The following KIF21A variants were observed in gnomAD, a reference collection of about 807,000 sequenced individuals.
KIF21A encodes the protein kinesin family member 21A.
A neutral mutation model predicts 202.9 loss-of-function variants in KIF21A; 114 were observed. The ratio of observed to expected loss-of-function variants is 0.56; its 90% CI spans 0.48 to 0.66. The LOEUF is 0.66. KIF21A is among the 30% of genes least tolerant of loss of function. The pLI is 0.00. For synonymous variants in KIF21A, 667 were observed against 670.8 expected, an observed-to-expected ratio of 0.99 and a Z score of 0.09; for missense variants, 1,677 against 1,994.9, an observed-to-expected ratio of 0.84 and a Z score of 3.04.
In KIF21A at chr12:39,309,749, A is replaced by T. The variant is rs762262699; in HGVS notation, c.4114T>A (p.Trp1372Arg). ...ATTTCCTGCCCAGTCACCAGATTCC[A>T]TACTTTACAAGTACGATCTAAAACA... ...TGSKDRTCKVWNLVTGQEIMS... is the reference protein window; with the variant it reads ...TGSKDRTCKVRNLVTGQEIMS... The change falls in exon 33 of 38, where the codon TGG becomes AGG. Residue 1372 changes from tryptophan (W) to arginine (R), a missense_variant. Coordinates refer to ENST00000361418, the MANE Select transcript of KIF21A (RefSeq NM_001173464.2). 6.2e-7 allele frequency: 1 copy of T among 1,613,114 alleles called. No homozygotes were observed. Among genetic ancestry groups the T allele is most frequent in the African/African-American group, 1.3e-5 (1 of 74,910 alleles).
Position 39,351,874 on chromosome 12 carries a change from T to C in KIF21A, c.1576A>G (p.Thr526Ala). ...YFSGSSTFSP[T>A]ILSSDKETIE... ...GTTTCTTTGTCTGAGGATAGTATGG[T>C]AGGAGAAAAAGTTGATGATCCGCTG... is the stretch of plus-strand genomic sequence containing the variant. Residue 526 changes from threonine (T) to alanine (A), a missense_variant, in exon 11 of 38, where the codon ACC becomes GCC. Around this residue, in one of 3 missense-constraint regions of KIF21A, gnomAD observed 966 missense variants for 1,180.9 expected, o/e 0.82. Transcript: ENST00000361418. The C allele has an allele frequency of 6.2e-7, 1 of 1,612,150 alleles. No homozygotes were observed. Among genetic ancestry groups the C allele is most frequent in the Non-Finnish European group, 8.5e-7 (1 of 1,178,366 alleles).
intron 36 of KIF21A, among the ~76,000 whole-genome samples, chr12:39,301,953 G>A (rs939545641): frequency 9.9e-5 from 15 of 152,068 alleles, no homozygotes; most frequent in African/African-American, 3.6e-4. Flanking sequence ...TAGAACTTTC[G>A]AGCATCACAT....
At chr12:39,361,094 A>G (rs1949171153) in intron 7 of KIF21A, among the ~76,000 whole-genome samples, 1 of 152,256 alleles carries the variant, frequency 6.6e-6, no homozygotes. Context: ...ATTTAGCTGT[A>G]GCCTAAAACT....
intron 12 of KIF21A, among the ~76,000 whole-genome samples, chr12:39,344,104 A>G (rs1002799639): frequency 6.6e-6 from 1 of 152,168 alleles, no homozygotes; most frequent in African/African-American, 2.4e-5. Context: ...TTGGATGGAG[A>G]AAAATGTGCT....
At position 39,358,286 on chromosome 12, in the gene KIF21A, T is replaced by C; in HGVS notation, c.1107A>G (p.Arg369=). ...TGACCATCACCTTATTCTTGATATTTCTAGCTCGATTGGCGTATTTCAGGG... is the reference window on the plus strand; with the variant it reads ...TGACCATCACCTTATTCTTGATATTCCTAGCTCGATTGGCGTATTTCAGGG... ...LNTLKYANRA[R]NIKNKVMVNQ... The change falls in exon 8 of 38, where the codon AGA becomes AGG. Residue 369 remains arginine (R), a synonymous_variant. Coordinates refer to ENST00000361418, the MANE Select transcript of KIF21A (RefSeq NM_001173464.2). 6.2e-7 allele frequency: 1 copy of C among 1,614,132 alleles called. No individual in the cohort carries two copies. Among genetic ancestry groups the C allele is most frequent in the Non-Finnish European group, 8.5e-7 (1 of 1,179,988 alleles).
chr12:39,389,179 T>TACACAC (rs10632410), intron 1 of KIF21A, among the ~76,000 whole-genome samples: 4,084 of 142,106 alleles, frequency 0.029, 119 homozygotes, highest in African/African-American at 0.07. Flanking sequence ...TAAATACACA[T>TACACAC]ACACACACAC....
At chr12:39,294,544 T>C in intron 37 of KIF21A, 27 bp from the exon 38 acceptor site, 1 of 1,525,488 alleles carries the variant, frequency 6.6e-7, no homozygotes, top group South Asian at 1.1e-5. Context: ...AAAACATGGA[T>C]ATATGAACAA....
Position 39,320,019 on chromosome 12 carries a change from GTAAA to G in KIF21A, c.3672-10_3672-7del, listed in dbSNP as rs1565737866. On this transcript the variant is annotated splice_region_variant and splice_polypyrimidine_tract_variant and intron_variant, in intron 27 of 37. Coordinates refer to ENST00000361418, the MANE Select transcript of KIF21A (RefSeq NM_001173464.2). ...ATAGAGATGACTGCCTGGAACTAAA[GTAAA>G]AGAAGATTCTTTAATTACCTAATTC... 1 of 1,520,806 alleles carries G rather than the reference GTAAA, an allele frequency of 6.6e-7. No individual in the cohort carries two copies. Among genetic ancestry groups the G allele is most frequent in the Non-Finnish European group, 9.1e-7 (1 of 1,099,110 alleles). The allele number at this position is 1,520,806 out of a possible 1,614,324, so 94.2% of individuals were successfully genotyped here. A position where few individuals can be genotyped will look rare whatever the true frequency, so the allele number is the denominator to read the frequency against.
chr12:39,315,708 T>C, intron 30 of KIF21A: 1 of 597,194 alleles, frequency 1.7e-6, no homozygotes, highest in African/African-American at 1.9e-5. Context: ...AGAAAACAGG[T>C]ATCACAATTT....
intron 1 of KIF21A, among the ~76,000 whole-genome samples, chr12:39,401,093 T>C (rs529875391): frequency 6.6e-6 from 1 of 152,310 alleles, no homozygotes; most frequent in African/African-American, 2.4e-5. Context: ...GCTAAGAGTT[T>C]ACCCTCACAG....
At position 39,349,473 on chromosome 12, in the gene KIF21A, G is replaced by A. The variant is rs763126894; in HGVS notation, c.1673+2304C>T. Among the ~76,000 whole-genome samples, 18 of 152,114 alleles carry A rather than the reference G, an allele frequency of 1.2e-4. No homozygotes were observed. The Middle Eastern group carries it at 0.01, about 86-fold the overall frequency. ...GGAATGTAACTCAACCAGAATCAAT[G>A]CATCCAAACAGGAGCTATCACTTCC... On this transcript the variant is annotated intron_variant, in intron 11 of 37. Coordinates refer to ENST00000361418, the MANE Select transcript of KIF21A (RefSeq NM_001173464.2).
chr12:39,361,162 AC>A (rs1163879856), intron 7 of KIF21A, among the ~76,000 whole-genome samples: 2 of 152,254 alleles, frequency 1.3e-5, no homozygotes, highest in Non-Finnish European at 2.9e-5. Flanking sequence ...AGGTAAGCAA[AC>A]TTTCAAAAGT....
rs1938552155 is a variant in KIF21A at position 39,435,445 on chromosome 12, G to C, written c.44+7482C>G. ...GCAGAAATTTTTCTGCATGACATCA[G>C]TCTAGAAAAGCTTTGTGTAGATGTG... On this transcript the variant is annotated intron_variant, in intron 1 of 37. Transcript: ENST00000361418. Among the ~76,000 whole-genome samples, 3 of 152,172 alleles carry C rather than the reference G, an allele frequency of 2.0e-5. No individual in the cohort carries two copies. The South Asian group carries it at 6.2e-4, about 32-fold the overall frequency.
intron 1 of KIF21A, among the ~76,000 whole-genome samples, chr12:39,434,636 T>C (rs961625313): frequency 1.3e-5 from 2 of 152,184 alleles, no homozygotes; most frequent in Non-Finnish European, 2.9e-5. Flanking sequence ...TTATAGCACA[T>C]TGCCTTCAAT....
rs79496803 is a variant in KIF21A, at chr12:39,407,784, A to G, written c.44+35143T>C. Among the ~76,000 whole-genome samples, 1,188 of 152,132 alleles carry G rather than the reference A, an allele frequency of 7.8e-3. 19 individuals carry two copies. The highest frequency in any genetic ancestry group is 0.026 in the African/African-American group (1,095 of 41,502). On this transcript the variant is annotated intron_variant, in intron 1 of 37. Transcript: ENST00000361418. ...TGCTATCCTCATGTTCCTATTCACAATGACTCTCAATCTCTCTTAACCCAT... is the reference window on the plus strand; with the variant it reads ...TGCTATCCTCATGTTCCTATTCACAGTGACTCTCAATCTCTCTTAACCCAT...
chr12:39,406,710 T>C (rs549545688), intron 1 of KIF21A, among the ~76,000 whole-genome samples: 5 of 152,224 alleles, frequency 3.3e-5, no homozygotes, highest in Non-Finnish European at 7.3e-5. Context: ...TCTTTTGTTC[T>C]TTCTCAAAGA....
chr12:39,346,414 C>T, intron 12 of KIF21A, 52 bp downstream of exon 12: 1 of 1,310,722 alleles, frequency 7.6e-7, no homozygotes, highest in Non-Finnish European at 1.0e-6. Flanking sequence ...TTGTGAATGG[C>T]AACTAAGTAT....
intron 31 of KIF21A, among the ~76,000 whole-genome samples, chr12:39,313,336 T>G (rs1449478538): frequency 6.6e-6 from 1 of 151,866 alleles, no homozygotes; most frequent in Non-Finnish European, 1.5e-5. Context: ...ATTATCCACT[T>G]AAAAATAAAT....
intron 1 of KIF21A, among the ~76,000 whole-genome samples, chr12:39,409,052 T>G (rs1952855189): frequency 6.6e-6 from 1 of 151,650 alleles, no homozygotes; most frequent in African/African-American, 2.4e-5. Flanking sequence ...CCCAGGCTGG[T>G]CTCTAACTCC....
Sources: gnomAD v4.1 joint callset for allele counts (sites outside exome capture counted in the v4.1 genomes callset) on GRCh38, gnomAD v4.1.1 for gene constraint, gnomAD v4.1.1 regional missense constraint, MANE v1.5 for transcripts, NCBI Gene and HGNC (gene_info 2026-07-23, HGNC 2026-07-21) for gene names.